SCRG1: variants seen among roughly 807,000 people sequenced by gnomAD.
SCRG1 encodes the protein stimulator of chondrogenesis 1.
A neutral mutation model predicts 7.7 loss-of-function variants in SCRG1; 3 were observed. The ratio of observed to expected loss-of-function variants is 0.39; its 90% CI spans 0.18 to 1.01. The LOEUF (loss-of-function observed/expected upper bound fraction) is 1.01, where lower values mean the gene tolerates loss of function less well. SCRG1 is among the 50% of genes least tolerant of loss of function. The pLI is 0.36. For missense variants in SCRG1, 110 were observed against 117.2 expected, an observed-to-expected ratio of 0.94 and a Z score of 0.28; for synonymous variants, 46 against 41.2, an observed-to-expected ratio of 1.12 and a Z score of -0.44.
the SCRG1 span, among the ~76,000 whole-genome samples, chr4:173,488,130 TAAA>T: frequency 3.3e-5 from 5 of 151,190 alleles, no homozygotes; most frequent in African/African-American, 1.2e-4. Flanking sequence ...AATAAATAAA[TAAA>T]TTTAAAAAAT....
At chr4:173,413,122 A>T in the SCRG1 span, among the ~76,000 whole-genome samples, 5 of 152,150 alleles carry the variant, frequency 3.3e-5, no homozygotes, top group African/African-American at 1.2e-4. Context: ...TTCCAAAAAA[A>T]AAAAAGAAAG....
the SCRG1 span, among the ~76,000 whole-genome samples, chr4:173,481,457 G>T: frequency 6.6e-6 from 1 of 152,122 alleles, no homozygotes; most frequent in South Asian, 2.1e-4. Flanking sequence ...AATTAGTAAA[G>T]TAATTTACTC....
chr4:173,454,014 G>T, the SCRG1 span, among the ~76,000 whole-genome samples: 1 of 151,316 alleles, frequency 6.6e-6, no homozygotes, highest in Admixed American at 6.6e-5. Flanking sequence ...GGAGGTGGAG[G>T]TTGCACTGAG....
chr4:173,409,124 C>T (rs1739986247), upstream of SCRG1, among the ~76,000 whole-genome samples: 1 of 152,076 alleles, frequency 6.6e-6, no homozygotes, highest in East Asian at 1.9e-4. Context: ...AAGCCTGCCT[C>T]ACTGAGAGGT....
the SCRG1 span, among the ~76,000 whole-genome samples, chr4:173,508,250 A>G: frequency 2.6e-5 from 4 of 152,214 alleles, no homozygotes; most frequent in South Asian, 2.1e-4. This position sits in a 1 kb window ranked among gnomAD's most constrained non-coding sequence, Gnocchi z 4.4. Context: ...GGAAAACAAG[A>G]CTGCTAATTT....
chr4:173,477,820 G>A, the SCRG1 span, among the ~76,000 whole-genome samples: 1 of 150,052 alleles, frequency 6.7e-6, no homozygotes, highest in African/African-American at 2.5e-5. Context: ...CCAGGATGAA[G>A]AGCAGTGGCA....
the SCRG1 span, among the ~76,000 whole-genome samples, chr4:173,514,620 G>A: frequency 3.9e-5 from 6 of 152,346 alleles, no homozygotes; most frequent in African/African-American, 1.4e-4. Flanking sequence ...TAAGCAGGGT[G>A]TGGAACAATC....
the SCRG1 span, among the ~76,000 whole-genome samples, chr4:173,433,234 A>C: frequency 6.6e-6 from 1 of 152,334 alleles, no homozygotes. Flanking sequence ...AAAGGAATTC[A>C]CACTGAATAA....
upstream of SCRG1, among the ~76,000 whole-genome samples, chr4:173,409,256 A>G (rs1739988463): frequency 6.6e-6 from 1 of 152,148 alleles, no homozygotes; most frequent in Non-Finnish European, 1.5e-5. Flanking sequence ...GATACATTAG[A>G]TGGGAGCTTC....
the SCRG1 span, among the ~76,000 whole-genome samples, chr4:173,436,977 C>T: frequency 7.2e-4 from 109 of 152,300 alleles, no homozygotes; most frequent in African/African-American, 2.6e-3. Flanking sequence ...TGGCTTTCCC[C>T]TCTCCCCTTC....
At chr4:173,451,626 C>T in the SCRG1 span, among the ~76,000 whole-genome samples, 2 of 121,448 alleles carry the variant, frequency 1.6e-5, no homozygotes, top group Non-Finnish European at 3.4e-5. Flanking sequence ...TTTTATTTTA[C>T]TTACTTATTT....
At chr4:173,484,205 T>C in the SCRG1 span, among the ~76,000 whole-genome samples, 1 of 84,188 alleles carries the variant, frequency 1.2e-5, no homozygotes, top group African/African-American at 5.0e-5. Flanking sequence ...ATATATTATA[T>C]ATATTTTCTA....
At chr4:173,514,921 AT>A in the SCRG1 span, among the ~76,000 whole-genome samples, 1 of 152,204 alleles carries the variant, frequency 6.6e-6, no homozygotes, top group Non-Finnish European at 1.5e-5. Context: ...AATAATATCT[AT>A]TCTATCCTTT....
At chr4:173,424,099 T>C in the SCRG1 span, among the ~76,000 whole-genome samples, 2 of 152,220 alleles carry the variant, frequency 1.3e-5, no homozygotes, top group African/African-American at 4.8e-5. Context: ...GGCAATTAAA[T>C]TTCAACATGA....
chr4:173,474,915 AT>A, the SCRG1 span, among the ~76,000 whole-genome samples: 14 of 138,194 alleles, frequency 1.0e-4, no homozygotes, highest in African/African-American at 3.6e-4. Flanking sequence ...GTGAGTTAAT[AT>A]TTTGAAATCT....
the SCRG1 span, among the ~76,000 whole-genome samples, chr4:173,437,730 C>A: frequency 6.6e-6 from 1 of 152,156 alleles, no homozygotes; most frequent in Non-Finnish European, 1.5e-5. Flanking sequence ...AGGCTGATGA[C>A]AATCTTTCCT....
At chr4:173,510,431 TA>T in the SCRG1 span, among the ~76,000 whole-genome samples, 8 of 151,684 alleles carry the variant, frequency 5.3e-5, no homozygotes, top group Admixed American at 4.6e-4. This position sits in a 1 kb window ranked among gnomAD's most constrained non-coding sequence, Gnocchi z 5.7. Context: ...ACCATATATA[TA>T]TATATATATA....
the SCRG1 span, among the ~76,000 whole-genome samples, chr4:173,428,678 A>G: frequency 1.3e-5 from 2 of 152,230 alleles, no homozygotes; most frequent in Non-Finnish European, 2.9e-5. Flanking sequence ...GGAAGAATTT[A>G]GGCTAGATCC....
the SCRG1 span, chr4:173,470,090 C>T: frequency 2.1e-5 from 3 of 144,974 alleles, no homozygotes; most frequent in Admixed American, 1.4e-4. Context: ...CTGTCCCCTT[C>T]GTTTCTCTTT....
Sources: allele counts gnomAD v4.1 joint callset (sites outside exome capture counted in the v4.1 genomes callset), GRCh38; gene constraint gnomAD v4.1.1; non-coding constraint Gnocchi (gnomAD v3.1); transcripts MANE v1.5; gene names NCBI Gene and HGNC (gene_info 2026-07-23, HGNC 2026-07-21).